SLC19A1: variants seen among roughly 807,000 people sequenced by gnomAD.
SLC19A1 encodes reduced folate transporter.
A neutral mutation model predicts 35.3 loss-of-function variants in SLC19A1; 37 were observed. The ratio of observed to expected loss-of-function variants is 1.05; its 90% CI spans 0.81 to 1.38. The LOEUF (loss-of-function observed/expected upper bound fraction) is 1.38, where lower values mean the gene tolerates loss of function less well. Ranked by LOEUF, SLC19A1 falls within the 40% of genes most tolerant of loss-of-function variation. The probability of loss-of-function intolerance (pLI) is 0.00; values close to 1 mark genes in which losing one functional copy is unlikely to be tolerated. For missense variants in SLC19A1, 831 were observed against 826.9 expected (o/e 1.00, Z -0.06); for synonymous variants, 460 against 398.5 (o/e 1.15, Z -1.84).
In SLC19A1 at chr21:45,505,361, T is replaced by A. The variant is rs747011332; in HGVS notation, c.498-6749A>T. On this transcript the variant is annotated intron_variant, in intron 3 of 4. Transcript: ENST00000417954. ...CACCTTGGTTTCTCTCCTGCAGCTA[T>A]CAGCGTTCCCGGCCCTCCGGGCCCC... The A allele has an allele frequency of 6.9e-6, 11 of 1,593,672 alleles. No individual in the cohort carries two copies. The Admixed American group carries it at 1.8e-4, about 27-fold the overall frequency.
Position 45,515,163 on chromosome 21 carries a change from TAAAAA to T in SLC19A1, c.*490_*494del, listed in dbSNP as rs11284347. Reference sequence around the variant, plus strand: ...ATGCAGTTCTTCATTCTACGTCAGTTAAAAAAAAAAAAAGCATCTTTCAAAAAAGC... The same window carrying T: ...ATGCAGTTCTTCATTCTACGTCAGTTAAAAAAAAGCATCTTTCAAAAAAGC... On this transcript the variant is annotated 3_prime_UTR_variant, in exon 6 of 6. Transcript: ENST00000311124. 4.1e-6 allele frequency: 6 copies of T among 1,455,922 alleles called. No homozygotes were observed. In the South Asian group the frequency reaches 5.3e-5, roughly 13 times the overall value. The allele number at this position is 1,455,922 out of a possible 1,614,324, so 90.2% of individuals were successfully genotyped here.
chr21:45,509,892 C>T (rs560036978), downstream of SLC19A1, among the ~76,000 whole-genome samples: 1 of 152,300 alleles, frequency 6.6e-6, no homozygotes, highest in African/African-American at 2.4e-5. Context: ...TCTGACCTGG[C>T]AGCGTATGGG....
At position 45,532,092 on chromosome 21, in the gene SLC19A1, G is replaced by C. The variant is rs1051269; in HGVS notation, c.246C>G (p.Pro82=). 20,871 of 1,612,166 alleles carry C rather than the reference G, an allele frequency of 0.013. 174 individuals are homozygous for C. Among genetic ancestry groups the C allele is most frequent in the Non-Finnish European group, 0.015 (18,164 of 1,179,352 alleles). ...LSYSYLAVLV[P]VFLLTDYLRY... is the part of the protein sequence containing the mutation. Reference sequence around the variant, plus strand: ...GCAGGTAGTCGGTGAGCAGGAACACGGGCACCAGCACGGCCAGGTAGGAGT... The same window carrying C: ...GCAGGTAGTCGGTGAGCAGGAACACCGGCACCAGCACGGCCAGGTAGGAGT... Residue 82 remains proline (P), a synonymous_variant, in exon 3 of 6, where the codon CCC becomes CCG. Coordinates refer to ENST00000311124, the MANE Select transcript of SLC19A1 (RefSeq NM_194255.4).
chr21:45,531,555 G>T lies in SLC19A1; in HGVS notation c.783C>A (p.Ser261Arg), dbSNP rs1277258187. The change falls in exon 3 of 6, where the codon AGC (serine) becomes AGA (arginine). Residue 261 changes from serine (S) to arginine (R), a missense_variant. Physicochemically the swap from Ser to Arg is moderately radical, Grantham distance 110. Transcript: ENST00000311124. ...ACAGGCGCAGCTGCGGCCGCCGCAG[G>T]CTGTCCCCCAGCTCCCGCAGCATCC... ...LARMLRELGDSLRRPQLRLWS... is the reference protein window; with the variant it reads ...LARMLRELGDRLRRPQLRLWS... The T allele has an allele frequency of 4.3e-6, 7 of 1,612,444 alleles. No individual in the cohort carries two copies. Among genetic ancestry groups the T allele is most frequent in the East Asian group, 2.2e-5 (1 of 44,882 alleles).
upstream of SLC19A1, among the ~76,000 whole-genome samples, chr21:45,548,613 G>A (rs969422007): frequency 8.5e-5 from 13 of 152,160 alleles, no homozygotes; most frequent in Admixed American, 2.0e-4. Flanking sequence ...GTGTGGTGGC[G>A]GGTGCCTGTA....
intron 2 of SLC19A1, among the ~76,000 whole-genome samples, chr21:45,532,485 G>A (rs2146373013): frequency 6.6e-6 from 1 of 152,306 alleles, no homozygotes; most frequent in South Asian, 2.1e-4. Context: ...CCAGGCTGGA[G>A]TGCAGTGGCA....
Position 45,514,882 on chromosome 21 carries a change from A to C in SLC19A1, c.*776T>G, listed in dbSNP as rs921203358. ...CCCCCAAGGCTGCCCAGCCCAGGCA[A>C]GCCTGGCACATACCAAGGCCAGCAC... On this transcript the variant is annotated 3_prime_UTR_variant, in exon 6 of 6. Coordinates refer to ENST00000311124, the MANE Select transcript of SLC19A1 (RefSeq NM_194255.4). 1.0e-6 allele frequency: 1 copy of C among 999,626 alleles called. No homozygotes were observed. Among genetic ancestry groups the C allele is most frequent in the Non-Finnish European group, 1.4e-6 (1 of 716,614 alleles). The allele number at this position is 999,626 out of a possible 1,614,324, so 61.9% of individuals were successfully genotyped here.
rs931843559 is a variant in SLC19A1, at chr21:45,534,957, C to T, written c.190-2809G>A. Among the ~76,000 whole-genome samples, 1 of 152,270 alleles carries T rather than the reference C, an allele frequency of 6.6e-6. No individual in the cohort carries two copies. The highest frequency in any genetic ancestry group is 1.5e-5 in the Non-Finnish European group (1 of 68,042). On this transcript the variant is annotated intron_variant, in intron 2 of 5. Coordinates refer to ENST00000311124, the MANE Select transcript of SLC19A1 (RefSeq NM_194255.4). This position sits in a 1 kb window ranked among gnomAD's most constrained non-coding sequence, Gnocchi z 4.2. ...TGAATGGGCAGAGTGCAGGCAGCTG[C>T]GCCCAAATCTACGTCCAGACGGCCT...
chr21:45,508,836 G>A (rs1053050663), downstream of SLC19A1, among the ~76,000 whole-genome samples: 10 of 152,218 alleles, frequency 6.6e-5, no homozygotes, highest in African/African-American at 2.2e-4. Context: ...AGTGGGGACA[G>A]CCATGTGGAC....
intron 3 of SLC19A1, chr21:45,505,470 T>G: frequency 9.2e-7 from 1 of 1,091,216 alleles, no homozygotes; most frequent in Non-Finnish European, 1.4e-6. Context: ...CTGCGTCCCG[T>G]GCCCTGGCTG....
chr21:45,510,483 TCCCATGAGGCC>T (rs2037515869), downstream of SLC19A1, among the ~76,000 whole-genome samples: 1 of 152,064 alleles, frequency 6.6e-6, no homozygotes, highest in Non-Finnish European at 1.5e-5. Flanking sequence ...CCCCAGGGCA[TCCCATGAGGCC>T]CCCCCGTGGC....
At chr21:45,512,310 G>A (rs2037659615), downstream of SLC19A1, 4 of 1,612,468 alleles carry the variant, frequency 2.5e-6, no homozygotes, top group Non-Finnish European at 3.4e-6. Flanking sequence ...CTGCTGGGGG[G>A]CAGGCTCCTG....
Position 45,515,333 on chromosome 21 carries a change from C to T in SLC19A1, c.*325G>A, listed in dbSNP as rs1335133423. On this transcript the variant is annotated 3_prime_UTR_variant, in exon 6 of 6. Coordinates refer to ENST00000311124, the MANE Select transcript of SLC19A1 (RefSeq NM_194255.4). Reference sequence around the variant, plus strand: ...TATCCAAGAGGCCACTTCACTAGCCCTGGGGGGCAGAAAGGATTTGTCTCA... The same window carrying T: ...TATCCAAGAGGCCACTTCACTAGCCTTGGGGGGCAGAAAGGATTTGTCTCA... 6.9e-7 allele frequency: 1 copy of T among 1,446,306 alleles called. No individual in the cohort carries two copies. The highest frequency in any genetic ancestry group is 1.4e-5 in the African/African-American group (1 of 69,640). The allele number at this position is 1,446,306 out of a possible 1,614,324, so 89.6% of individuals were successfully genotyped here.
At chr21:45,547,271 T>C (rs1448902261), upstream of SLC19A1, among the ~76,000 whole-genome samples, 1 of 152,190 alleles carries the variant, frequency 6.6e-6, no homozygotes, top group Non-Finnish European at 1.5e-5. Context: ...GTTCATGGAT[T>C]GTGTAAACCA....
chr21:45,550,849 C>T (rs992649842), intron 1 of SLC19A1, among the ~76,000 whole-genome samples: 2 of 151,496 alleles, frequency 1.3e-5, no homozygotes, highest in African/African-American at 4.9e-5. Context: ...TCCCTGCCTC[C>T]CTCCTCTGCC....
chr21:45,506,106 T>C (rs2037189149), intron 3 of SLC19A1: 1 of 1,339,922 alleles, frequency 7.5e-7, no homozygotes, highest in South Asian at 1.2e-5. Context: ...TTCAAACTTT[T>C]GGTAAAGTTT....
rs374058652 is a variant in SLC19A1 at position 45,505,161 on chromosome 21, C to T, written c.498-6549G>A. 2 of 1,608,012 alleles carry T rather than the reference C, an allele frequency of 1.2e-6. No homozygotes were observed. The highest frequency in any genetic ancestry group is 1.7e-6 in the Non-Finnish European group (2 of 1,178,210). On this transcript the variant is annotated intron_variant, in intron 3 of 4. Coordinates refer to the SLC19A1 transcript ENST00000417954. ...TCCCAAGGGAGAGAGCATCCGGGGC[C>T]AGCCCGGCCCACCTGGACCTCAGGG...
rs534883441 is a variant in SLC19A1 at position 45,520,379 on chromosome 21, G to C, written c.1294-4239C>G. ...AAATAAAAGATATACAGATCAGAAA[G>C]GAAGAAATATTTGCAGATGACATAA... On this transcript the variant is annotated intron_variant, in intron 5 of 5. Coordinates refer to ENST00000311124, the MANE Select transcript of SLC19A1 (RefSeq NM_194255.4). 7.2e-5 allele frequency among the ~76,000 whole-genome samples: 11 copies of C among 152,108 alleles called. No homozygotes were observed. In the East Asian group the frequency reaches 2.1e-3, roughly 29 times the overall value.
chr21:45,516,025 T>C lies in SLC19A1; in HGVS notation c.1409A>G (p.Gln470Arg). ...RGHHPRQPPA[Q>R]GLRSAAEEKA... Reference sequence around the variant, plus strand: ...CTCCTCCGCGGCACTCCTCAGGCCCTGGGCCGGGGGCTGCCGCGGGTGGTG... The same window carrying C: ...CTCCTCCGCGGCACTCCTCAGGCCCCGGGCCGGGGGCTGCCGCGGGTGGTG... Residue 470 changes from glutamine (Q) to arginine (R), a missense_variant, in exon 6 of 6, where the codon CAG (glutamine) becomes CGG (arginine). Physicochemically the swap from Gln to Arg is conservative, Grantham distance 43 (BLOSUM62 1). Coordinates refer to ENST00000311124, the MANE Select transcript of SLC19A1 (RefSeq NM_194255.4). 3 of 1,578,938 alleles carry C rather than the reference T, an allele frequency of 1.9e-6. No homozygotes were observed. The highest frequency in any genetic ancestry group is 2.6e-6 in the Non-Finnish European group (3 of 1,163,656).
Sources: gnomAD v4.1 joint callset for allele counts (sites outside exome capture counted in the v4.1 genomes callset) on GRCh38, gnomAD v4.1.1 for gene constraint, Gnocchi (gnomAD v3.1) non-coding constraint, MANE v1.5 for transcripts, NCBI Gene and HGNC (gene_info 2026-07-23, HGNC 2026-07-21) for gene names.